SLC25A30: variants seen among roughly 807,000 people sequenced by gnomAD.
SLC25A30 encodes the protein kidney mitochondrial carrier protein 1.
In SLC25A30, 29 loss-of-function variants were observed where a neutral mutation model predicts 42.7. That is an observed-to-expected ratio of 0.68 (90% CI 0.51 to 0.93). The LOEUF is 0.93. Ranked by LOEUF, SLC25A30 falls within the 40% of genes least tolerant of loss-of-function variation. The probability of loss-of-function intolerance (pLI) is 0.00; values close to 1 mark genes in which losing one functional copy is unlikely to be tolerated. For synonymous variants in SLC25A30, 124 were observed against 131.0 expected, an observed-to-expected ratio of 0.95 and a Z score of 0.37; for missense variants, 300 against 359.7, an observed-to-expected ratio of 0.83 and a Z score of 1.34.
intron 1 of SLC25A30, among the ~76,000 whole-genome samples, chr13:45,412,683 A>T (rs1424109701): frequency 6.6e-6 from 1 of 152,248 alleles, no homozygotes; most frequent in East Asian, 1.9e-4. Flanking sequence ...GCATTAAGCC[A>T]TATATATTTT....
In SLC25A30 at chr13:45,408,965, C is replaced by T; in HGVS notation, c.174G>A (p.Arg58=). Residue 58 remains arginine (R), a synonymous_variant, in exon 3 of 10, where the codon AGG becomes AGA. Coordinates refer to ENST00000519676, the MANE Select transcript of SLC25A30 (RefSeq NM_001010875.4). ...CTTTCAGCCCTTCTTCTCTGCCTAT[C>T]CTCACTAATGCGTGCAACATTCCTC... The part of the protein sequence containing the change: ...RYRGMLHALV[R]IGREEGLKAL... The T allele has an allele frequency of 6.2e-7, 1 of 1,612,910 alleles. No homozygotes were observed. The highest frequency in any genetic ancestry group is 1.7e-5 in the Admixed American group (1 of 59,712).
chr13:45,422,175 T>C (rs943548857), upstream of SLC25A30, among the ~76,000 whole-genome samples: 1 of 152,168 alleles, frequency 6.6e-6, no homozygotes, highest in Non-Finnish European at 1.5e-5. Flanking sequence ...AACTACAATT[T>C]GATAAATGTT....
At chr13:45,423,815 A>ATAAATATATATTTATAT in the SLC25A30 span, among the ~76,000 whole-genome samples, 10,456 of 55,016 alleles carry the variant, frequency 0.19, 1,457 homozygotes, top group Non-Finnish European at 0.26. Context: ...TATATATAAA[A>ATAAATATATATTTATAT]ATATAAATAT....
upstream of SLC25A30, among the ~76,000 whole-genome samples, chr13:45,418,940 C>CA (rs1168457204): frequency 1.5e-3 from 23 of 14,912 alleles, 5 homozygotes; most frequent in East Asian, 7.4e-3. Context: ...GACTTCGTCT[C>CA]AAAAAAAAAA....
chr13:45,398,752 G>A (rs961868475), intron 8 of SLC25A30, 188 bp downstream of exon 8: 1 of 490,768 alleles, frequency 2.0e-6, no homozygotes, highest in Admixed American at 4.0e-5. Flanking sequence ...GCAGATGGAG[G>A]TATAAAGAAA....
the SLC25A30 span, among the ~76,000 whole-genome samples, chr13:45,423,787 T>TATAAATATATATTTATATATATAAAA: frequency 9.9e-4 from 54 of 54,276 alleles, 1 homozygote; most frequent in African/African-American, 3.5e-3. Flanking sequence ...AATATATAAA[T>TATAAATATATATTTATATATATAAAA]ATATAAATAT....
chr13:45,409,583 C>A (rs530152602), intron 2 of SLC25A30, among the ~76,000 whole-genome samples: 13 of 152,074 alleles, frequency 8.5e-5, no homozygotes, highest in African/African-American at 2.9e-4. Flanking sequence ...CTGAGGTGGG[C>A]GGATCACCTG....
chr13:45,424,524 A>AAAATATATATAAATATAT, the SLC25A30 span, among the ~76,000 whole-genome samples: 1 of 27,746 alleles, frequency 3.6e-5, no homozygotes, highest in African/African-American at 1.4e-4. Context: ...TAAATATATA[A>AAAATATATATAAATATAT]AAATATATAT....
chr13:45,406,687 A>G (rs1882542595), intron 3 of SLC25A30, among the ~76,000 whole-genome samples: 1 of 152,100 alleles, frequency 6.6e-6, no homozygotes, highest in Non-Finnish European at 1.5e-5. Context: ...TCCCCTCTTC[A>G]AGGTGACCAA....
the SLC25A30 span, among the ~76,000 whole-genome samples, chr13:45,423,592 T>TATATATATATATAAATATATATAAA: frequency 1.1e-3 from 25 of 23,742 alleles, no homozygotes; most frequent in Admixed American, 4.5e-3. Flanking sequence ...TATATATAAA[T>TATATATATATATAAATATATATAAA]ATATATATAT....
In SLC25A30 at chr13:45,397,276, A is replaced by T. The variant is rs1417596684; in HGVS notation, c.816T>A (p.Leu272=). Residue 272 remains leucine (L), a synonymous_variant, in exon 9 of 10, where the codon CTT becomes CTA. Coordinates refer to ENST00000519676, the MANE Select transcript of SLC25A30 (RefSeq NM_001010875.4). The part of the protein sequence containing the change: ...YKGFWPNWLR[L]GPWNIIFFVT... ...AGGATACAATGATATTCCAAGGACCAAGTCTCAACCAATTTGGCCAAAAGC... is the reference window on the plus strand; with the variant it reads ...AGGATACAATGATATTCCAAGGACCTAGTCTCAACCAATTTGGCCAAAAGC... 1 of 1,611,050 alleles carries T rather than the reference A, an allele frequency of 6.2e-7. No individual in the cohort carries two copies. Among genetic ancestry groups the T allele is most frequent in the South Asian group, 1.1e-5 (1 of 90,998 alleles).
At chr13:45,407,833 C>T (rs1357069431) in intron 3 of SLC25A30, among the ~76,000 whole-genome samples, 1 of 152,162 alleles carries the variant, frequency 6.6e-6, no homozygotes, top group African/African-American at 2.4e-5. Context: ...TTCCCTTCTA[C>T]CCGCTTCATG....
intron 2 of SLC25A30, 44 bp downstream of exon 2, chr13:45,411,318 T>C (rs1883002664): frequency 7.5e-7 from 1 of 1,333,542 alleles, no homozygotes; most frequent in Non-Finnish European, 1.1e-6. Flanking sequence ...TCAAACACCA[T>C]CACATACAGC....
chr13:45,430,791 A>G, the SLC25A30 span, among the ~76,000 whole-genome samples: 4 of 152,258 alleles, frequency 2.6e-5, no homozygotes, highest in South Asian at 8.3e-4. Flanking sequence ...TGGGTAACAC[A>G]GTGAGACTAT....
chr13:45,425,099 TAAATATATAA>T, the SLC25A30 span, among the ~76,000 whole-genome samples: 22 of 58,446 alleles, frequency 3.8e-4, 3 homozygotes, highest in African/African-American at 1.6e-3. Flanking sequence ...AATATATTTA[TAAATATATAA>T]ATATATTTAT....
chr13:45,401,914 G>T (rs1217639400), intron 6 of SLC25A30, among the ~76,000 whole-genome samples: 3 of 151,962 alleles, frequency 2.0e-5, no homozygotes, highest in East Asian at 1.9e-4. Context: ...ACAAAAATTA[G>T]CGGGGTGTGG....
chr13:45,394,112 A>G lies in SLC25A30; in HGVS notation c.*1862T>C. On this transcript the variant is annotated 3_prime_UTR_variant, in exon 10 of 10. Transcript: ENST00000519676. ...TGTTTTGGAAAGAAGAAAAAATCCT[A>G]AGGTGTAGTTTAGAACAAGCAGCAA... The G allele has an allele frequency of 4.1e-6, 4 of 985,328 alleles. No individual in the cohort carries two copies. The highest frequency in any genetic ancestry group is 4.8e-6 in the Non-Finnish European group (4 of 829,890). The allele number at this position is 985,328 out of a possible 1,614,324, so 61.0% of individuals were successfully genotyped here.
At chr13:45,397,686 A>G in intron 8 of SLC25A30, 1 of 171,366 alleles carries the variant, frequency 5.8e-6, no homozygotes, top group Non-Finnish European at 1.2e-5. Flanking sequence ...ACAAAGCGAG[A>G]CTCCATCTCA....
At chr13:45,397,864 C>T (rs1881519270) in intron 8 of SLC25A30, 1 of 984,974 alleles carries the variant, frequency 1.0e-6, no homozygotes, top group Non-Finnish European at 1.2e-6. Context: ...GAACTCCACA[C>T]AAAGGAGATA....
Sources: allele counts gnomAD v4.1 joint callset (sites outside exome capture counted in the v4.1 genomes callset), GRCh38; gene constraint gnomAD v4.1.1; transcripts MANE v1.5; gene names NCBI Gene and HGNC (gene_info 2026-07-23, HGNC 2026-07-21).